DPRX: variants seen among roughly 807,000 people sequenced by gnomAD.
The protein encoded by DPRX is divergent-paired related homeobox, also known as divergent paired-related homeobox.
DPRX carries 11 observed loss-of-function variants against 8.4 expected under a neutral mutation model. The observed-to-expected ratio is 1.31, with a 90% CI of 0.82 to 2.17. DPRX has a LOEUF of 2.17. DPRX is among the 30% of genes most tolerant of loss of function. DPRX has a pLI of 0.00. For synonymous variants in DPRX, 72 were observed against 87.0 expected (o/e 0.83, Z 0.96); for missense variants, 211 against 236.7 (o/e 0.89, Z 0.71).
chr19:53,624,391 T>C, the DPRX span, among the ~76,000 whole-genome samples: 1 of 149,954 alleles, frequency 6.7e-6, no homozygotes, highest in Non-Finnish European at 1.5e-5. Context: ...CATGCCCAGC[T>C]GTTTTTTTGT....
At chr19:53,609,023 AGAAAG>A in the DPRX span, among the ~76,000 whole-genome samples, 4 of 151,562 alleles carry the variant, frequency 2.6e-5, no homozygotes, top group African/African-American at 9.7e-5. Flanking sequence ...GAGAAAGAAA[AGAAAG>A]ACCTTACAAT....
the DPRX span, chr19:53,603,309 C>G: frequency 4.4e-6 from 2 of 455,214 alleles, no homozygotes; most frequent in Non-Finnish European, 8.8e-6. Context: ...CTGCCGCATG[C>G]TATCAGGTTC....
the DPRX span, chr19:53,603,491 C>G: frequency 2.3e-6 from 1 of 434,922 alleles, no homozygotes; most frequent in Non-Finnish European, 4.7e-6. Flanking sequence ...CAGAATTCAT[C>G]TCAACTACTT....
chr19:53,625,397 C>T, the DPRX span, among the ~76,000 whole-genome samples: 1 of 152,108 alleles, frequency 6.6e-6, no homozygotes, highest in Non-Finnish European at 1.5e-5. Context: ...ATGAGCTCAG[C>T]TTTCATGAGA....
the DPRX span, among the ~76,000 whole-genome samples, chr19:53,609,309 A>G: frequency 1.3e-3 from 194 of 150,516 alleles, 1 homozygote; most frequent in African/African-American, 4.6e-3. Flanking sequence ...CTCTACAAAA[A>G]ATACAAAAAT....
chr19:53,620,283 A>G, the DPRX span, among the ~76,000 whole-genome samples: 2 of 151,558 alleles, frequency 1.3e-5, no homozygotes, highest in Non-Finnish European at 2.9e-5. Flanking sequence ...GTTAGCCAGG[A>G]TGGTCTCGAT....
At chr19:53,618,158 AAG>A in the DPRX span, among the ~76,000 whole-genome samples, 170 of 151,614 alleles carry the variant, frequency 1.1e-3, no homozygotes, top group Middle Eastern at 6.8e-3. Context: ...AAAAAAAAGA[AAG>A]AAAGAAAGAA....
At chr19:53,611,792 G>A in the DPRX span, among the ~76,000 whole-genome samples, 197 of 152,206 alleles carry the variant, frequency 1.3e-3, no homozygotes, top group African/African-American at 4.6e-3. Flanking sequence ...ATTCAAATTT[G>A]AGGTGAACTG....
At chr19:53,601,704 A>T in the DPRX span, among the ~76,000 whole-genome samples, 2 of 151,630 alleles carry the variant, frequency 1.3e-5, no homozygotes, top group Non-Finnish European at 2.9e-5. Context: ...CTGGTCCCGA[A>T]CTCCTCGCCT....
At chr19:53,602,681 T>C in the DPRX span, among the ~76,000 whole-genome samples, 2 of 151,812 alleles carry the variant, frequency 1.3e-5, no homozygotes, top group Non-Finnish European at 2.9e-5. Flanking sequence ...ATTACAGGCG[T>C]CTGCCACCGT....
the DPRX span, chr19:53,608,360 A>G: frequency 1.3e-5 from 2 of 152,126 alleles, no homozygotes; most frequent in Non-Finnish European, 2.9e-5. Flanking sequence ...GAAGCCGGAG[A>G]AGATGACGCA....
chr19:53,602,549 T>A, the DPRX span, among the ~76,000 whole-genome samples: 1 of 151,206 alleles, frequency 6.6e-6, no homozygotes, highest in African/African-American at 2.4e-5. Flanking sequence ...TTTTTTTTTT[T>A]TTGAGAAAAA....
At chr19:53,602,428 T>C in the DPRX span, among the ~76,000 whole-genome samples, 5 of 151,708 alleles carry the variant, frequency 3.3e-5, no homozygotes, top group East Asian at 5.8e-4. Flanking sequence ...GGCACAATCT[T>C]GGCTCACTGC....
the DPRX span, among the ~76,000 whole-genome samples, chr19:53,620,607 T>C: frequency 2.0e-5 from 3 of 150,678 alleles, no homozygotes; most frequent in South Asian, 6.3e-4. Context: ...TCAAGTGATC[T>C]GTCTGCCTTG....
the DPRX span, among the ~76,000 whole-genome samples, chr19:53,623,778 C>T: frequency 6.6e-6 from 1 of 151,922 alleles, no homozygotes; most frequent in African/African-American, 2.4e-5. Flanking sequence ...TGGTGAAACC[C>T]CGTCTCTACT....
the DPRX span, among the ~76,000 whole-genome samples, chr19:53,617,651 T>C: frequency 6.7e-6 from 1 of 150,352 alleles, no homozygotes; most frequent in Non-Finnish European, 1.5e-5. Context: ...AATCCTCTAA[T>C]ATGAGATGTA....
At chr19:53,628,920 C>T (rs1047877369), upstream of DPRX, among the ~76,000 whole-genome samples, 1 of 151,800 alleles carries the variant, frequency 6.6e-6, no homozygotes, top group South Asian at 2.1e-4. Context: ...AAATAAAGTC[C>T]CATAAGCAGG....
the DPRX span, among the ~76,000 whole-genome samples, chr19:53,614,107 C>G: frequency 1.3e-5 from 2 of 151,984 alleles, no homozygotes; most frequent in Admixed American, 1.3e-4. Context: ...CACACCACCA[C>G]GCCCTGCTAA....
At chr19:53,629,111 TGA>T (rs2091081682), upstream of DPRX, among the ~76,000 whole-genome samples, 1 of 150,324 alleles carries the variant, frequency 6.7e-6, no homozygotes, top group Admixed American at 6.7e-5. Context: ...GCCAGGAGTT[TGA>T]GACCAGCCTG....
Sources: gnomAD v4.1 joint callset for allele counts (sites outside exome capture counted in the v4.1 genomes callset) on GRCh38, gnomAD v4.1.1 for gene constraint, MANE v1.5 for transcripts, NCBI Gene and HGNC (gene_info 2026-07-23, HGNC 2026-07-21) for gene names.